DAB2IP: variants seen among roughly 807,000 people sequenced by gnomAD.
The protein encoded by DAB2IP is disabled homolog 2-interacting protein.
A neutral mutation model predicts 107.2 loss-of-function variants in DAB2IP; 28 were observed. The observed-to-expected ratio is 0.26, with a 90% confidence interval of 0.19 to 0.36. The LOEUF is 0.36. Among genes scored for constraint, DAB2IP ranks in the 10% least tolerant of loss-of-function variants. The pLI, the probability that DAB2IP is intolerant of heterozygous loss-of-function variation, is 1.00. For missense variants in DAB2IP, 1,400 were observed against 1,644.7 expected (o/e 0.85, Z 2.57); for synonymous variants, 755 against 706.4 (o/e 1.07, Z -1.09).
chr9:121,697,395 G>C (rs774796066), intron 2 of DAB2IP, among the ~76,000 whole-genome samples: 2 of 152,214 alleles, frequency 1.3e-5, no homozygotes, highest in African/African-American at 4.8e-5. Context: ...CCTGGGAGAA[G>C]AGAACCCATC....
chr9:121,652,907 A>T (rs1438726289), intron 1 of DAB2IP, among the ~76,000 whole-genome samples: 1 of 152,184 alleles, frequency 6.6e-6, no homozygotes, highest in Non-Finnish European at 1.5e-5. Flanking sequence ...TGCTTCCACC[A>T]GAATGGGGAA....
At chr9:121,567,529 G>GC (rs1240418007) in intron 1 of DAB2IP, among the ~76,000 whole-genome samples, 1 of 152,226 alleles carries the variant, frequency 6.6e-6, no homozygotes. Context: ...AAGTTTTGCA[G>GC]CCCCCCTGCC....
intron 14 of DAB2IP, 90 bp from the exon 15 acceptor site, chr9:121,781,374 C>CTGTG: frequency 7.9e-7 from 1 of 1,260,856 alleles, no homozygotes; most frequent in Non-Finnish European, 1.2e-6. Context: ...TGTGTCCCTG[C>CTGTG]TGTGTGCGGG....
At chr9:121,652,583 G>A (rs1219633212) in intron 1 of DAB2IP, among the ~76,000 whole-genome samples, 10 of 152,120 alleles carry the variant, frequency 6.6e-5, no homozygotes. Context: ...GGGAGGAGGA[G>A]GCCTTCAAAG....
intron 3 of DAB2IP, among the ~76,000 whole-genome samples, chr9:121,745,974 C>G (rs572978818): frequency 6.6e-6 from 1 of 152,114 alleles, no homozygotes; most frequent in African/African-American, 2.4e-5. Flanking sequence ...TTTCAGATTC[C>G]TGCTTAAAAC....
intron 3 of DAB2IP, chr9:121,737,592 G>C: frequency 1.0e-6 from 1 of 985,428 alleles, no homozygotes. Flanking sequence ...ATCCTGGGCC[G>C]GGCCGGAGGG....
chr9:121,783,541 A>C, exon 16 of DAB2IP: 2 of 1,614,118 alleles, frequency 1.2e-6, no homozygotes, highest in Non-Finnish European at 1.7e-6. Context: ...CACAGTATGC[A>C]TTAGAAACAA....
intron 3 of DAB2IP, among the ~76,000 whole-genome samples, chr9:121,754,648 A>G (rs1833351230): frequency 6.6e-6 from 1 of 152,200 alleles, no homozygotes; most frequent in African/African-American, 2.4e-5. Flanking sequence ...CAGGTCAGCC[A>G]GAGCATGCTT....
rs1284411969 is a variant in DAB2IP at position 121,702,602 on chromosome 9, G to A, written c.362+3144G>A. 6.6e-6 allele frequency among the ~76,000 whole-genome samples: 1 copy of A among 152,172 alleles called. No homozygotes were observed. Among genetic ancestry groups the A allele is most frequent in the Non-Finnish European group, 1.5e-5 (1 of 68,046 alleles). On this transcript the variant is annotated intron_variant, in intron 3 of 15. Coordinates refer to ENST00000408936, the Ensembl canonical transcript of DAB2IP. The surrounding 1 kb of genome is among the most constrained non-coding windows in gnomAD (Gnocchi z 4.5). ...ACATGCTGCTTGGAGCGCTTTCCAG[G>A]TGAAAGGTGTGCCGGCAAAAGCATT...
chr9:121,638,533 G>A (rs1462067228), intron 1 of DAB2IP, among the ~76,000 whole-genome samples: 1 of 152,210 alleles, frequency 6.6e-6, no homozygotes, highest in Non-Finnish European at 1.5e-5. Context: ...ATTGAGAGAG[G>A]GGAGTGGTGG....
intron 1 of DAB2IP, among the ~76,000 whole-genome samples, chr9:121,589,305 GC>G (rs1255719059): frequency 6.6e-6 from 1 of 152,102 alleles, no homozygotes; most frequent in Admixed American, 6.6e-5. Context: ...CTCTTCTCCT[GC>G]CCCCTCTCAT....
rs1316948559 is a variant in DAB2IP, at chr9:121,782,988, G to A, written c.*490G>A. 2.0e-6 allele frequency: 2 copies of A among 1,020,996 alleles called. No individual in the cohort carries two copies. The highest frequency in any genetic ancestry group is 2.3e-6 in the Non-Finnish European group (2 of 851,228). 63.2% of individuals were successfully genotyped at this position (1,020,996 alleles called of 1,614,324 possible). ...CCTGTCATGTGGGACCTGGCACTTG[G>A]CAGATCAGTTGGCAGGCAGGAAGAT... is the stretch of plus-strand genomic sequence containing the variant. On this transcript the variant is annotated 3_prime_UTR_variant, in exon 16 of 16. Transcript: ENST00000408936. The surrounding 1 kb of genome is among the most constrained non-coding windows in gnomAD (Gnocchi z 6.1).
At chr9:121,750,497 G>A (rs1022012581) in intron 3 of DAB2IP, among the ~76,000 whole-genome samples, 4 of 152,152 alleles carry the variant, frequency 2.6e-5, no homozygotes, top group Admixed American at 2.0e-4. Context: ...AAAACCAGAC[G>A]AGCCTGGCCC....
At chr9:121,631,813 TAA>T (rs752400251) in intron 1 of DAB2IP, among the ~76,000 whole-genome samples, 74 of 58,908 alleles carry the variant, frequency 1.3e-3, no homozygotes, top group Non-Finnish European at 1.9e-3. Flanking sequence ...AGACTCCGTC[TAA>T]AAAAAAAAAA....
intron 1 of DAB2IP, among the ~76,000 whole-genome samples, chr9:121,661,806 A>AC (rs2119092453): frequency 6.6e-6 from 1 of 152,210 alleles, no homozygotes; most frequent in African/African-American, 2.4e-5. Context: ...AAATAGTGAG[A>AC]CCCCATCTCT....
intron 1 of DAB2IP, among the ~76,000 whole-genome samples, chr9:121,631,335 G>T (rs1412072537): frequency 6.6e-6 from 1 of 152,142 alleles, no homozygotes. Context: ...GGTGGCATTG[G>T]ATTTGGGCCT....
chr9:121,782,850 C>A lies in DAB2IP; in HGVS notation c.*352C>A, dbSNP rs969951837. ...ATCTGGCCGAGTGCATGTGTCCCCC[C>A]ACACCTGTGCCAGGGAGGGGGCTTC... On this transcript the variant is annotated 3_prime_UTR_variant, in exon 16 of 16. Coordinates refer to ENST00000408936, the Ensembl canonical transcript of DAB2IP. The surrounding 1 kb of genome is among the most constrained non-coding windows in gnomAD (Gnocchi z 6.1). 5.6e-6 allele frequency: 6 copies of A among 1,080,938 alleles called. No individual in the cohort carries two copies. The highest frequency in any genetic ancestry group is 6.8e-5 in the South Asian group (2 of 29,208). 67.0% of individuals were successfully genotyped at this position (1,080,938 alleles called of 1,614,324 possible).
chr9:121,581,259 G>T (rs1830188480), intron 1 of DAB2IP, among the ~76,000 whole-genome samples: 1 of 152,166 alleles, frequency 6.6e-6, no homozygotes, highest in Non-Finnish European at 1.5e-5. Flanking sequence ...GGGTAGTGGG[G>T]TTCCTGGACT....
chr9:121,771,042 AC>A (rs1448006728), intron 11 of DAB2IP, among the ~76,000 whole-genome samples: 1 of 152,150 alleles, frequency 6.6e-6, no homozygotes, highest in Non-Finnish European at 1.5e-5. Flanking sequence ...GGTCCCAAAT[AC>A]CCCCAGCATT....
Sources: allele counts gnomAD v4.1 joint callset (sites outside exome capture counted in the v4.1 genomes callset), GRCh38; gene constraint gnomAD v4.1.1; non-coding constraint Gnocchi (gnomAD v3.1); transcripts MANE v1.5; gene names NCBI Gene and HGNC (gene_info 2026-07-23, HGNC 2026-07-21).